The following DAB1 variants were observed in gnomAD, a reference collection of about 807,000 sequenced individuals.
The protein encoded by DAB1 is DAB adaptor protein 1.
DAB1 carries 15 observed loss-of-function variants against 64.6 expected under a neutral mutation model. The ratio of observed to expected loss-of-function variants is 0.23; its 90% CI spans 0.16 to 0.36. DAB1 has a LOEUF of 0.36. Among genes scored for constraint, DAB1 ranks in the 10% least tolerant of loss-of-function variants. DAB1 has a pLI of 1.00. For synonymous variants in DAB1, 235 were observed against 251.9 expected, an observed-to-expected ratio of 0.93 and a Z score of 0.64; for missense variants, 596 against 706.7, an observed-to-expected ratio of 0.84 and a Z score of 1.78.
chr1:57,204,081 G>T (rs1037675915), intron 2 of DAB1, among the ~76,000 whole-genome samples: 10 of 151,990 alleles, frequency 6.6e-5, no homozygotes, highest in Non-Finnish European at 1.5e-4. Context: ...GTAGAGATGA[G>T]GTTTCACCAT....
In DAB1 at chr1:57,924,536, T is replaced by G. The variant is rs183633746; in HGVS notation, n.388-40374A>C. 5.1e-3 allele frequency among the ~76,000 whole-genome samples: 776 copies of G among 152,072 alleles called. 10 individuals carry two copies. Among genetic ancestry groups the G allele is most frequent in the African/African-American group, 0.018 (750 of 41,468 alleles). On this transcript the variant is annotated intron_variant and non_coding_transcript_variant, in intron 5 of 20. Transcript: ENST00000485760. The stretch of plus-strand genomic sequence containing the variant: ...GTGCAGTGGCACAATCTCGGCTCAC[T>G]GCAACCTCTGCCTCCTGGATTCAAG...
intron 3 of DAB1, among the ~76,000 whole-genome samples, chr1:58,472,900 C>G (rs1044839386): frequency 6.6e-6 from 1 of 151,994 alleles, no homozygotes; most frequent in Non-Finnish European, 1.5e-5. Flanking sequence ...CACCACAAAG[C>G]GAGAGGGAAA....
chr1:58,199,458 C>A (rs1657880047), intron 4 of DAB1, among the ~76,000 whole-genome samples: 1 of 152,108 alleles, frequency 6.6e-6, no homozygotes, highest in South Asian at 2.1e-4. Context: ...TAACCATGGG[C>A]AAATTACTTA....
intron 3 of DAB1, chr1:58,468,988 C>G (rs1645326251): frequency 4.1e-6 from 1 of 244,160 alleles, no homozygotes; most frequent in Non-Finnish European, 6.6e-6. Flanking sequence ...GACCTTCTTT[C>G]ATTTATTCAT....
At chr1:57,513,855 C>A (rs980326910) in intron 7 of DAB1, among the ~76,000 whole-genome samples, 1 of 152,120 alleles carries the variant, frequency 6.6e-6, no homozygotes, top group Non-Finnish European at 1.5e-5. Flanking sequence ...CTTCCCAGCC[C>A]CTGTCCTGCA....
At chr1:57,652,497 C>T (rs1646268864) in intron 6 of DAB1, among the ~76,000 whole-genome samples, 1 of 152,142 alleles carries the variant, frequency 6.6e-6, no homozygotes, top group South Asian at 2.1e-4. Flanking sequence ...CTCTCTATTG[C>T]AATTCCCCTG....
chr1:57,783,300 G>A (rs1650196155), intron 6 of DAB1, among the ~76,000 whole-genome samples: 1 of 151,512 alleles, frequency 6.6e-6, no homozygotes, highest in African/African-American at 2.4e-5. Flanking sequence ...GTAGAGATGG[G>A]GTTTCACCAT....
chr1:57,219,331 T>C (rs1666683276), intron 2 of DAB1, among the ~76,000 whole-genome samples: 1 of 151,876 alleles, frequency 6.6e-6, no homozygotes, highest in Admixed American at 6.6e-5. Context: ...GAATAAAAGA[T>C]AGCCTTTCCA....
At chr1:57,473,072 C>T (rs903185804) in intron 7 of DAB1, among the ~76,000 whole-genome samples, 3 of 152,202 alleles carry the variant, frequency 2.0e-5, no homozygotes, top group African/African-American at 7.2e-5. Flanking sequence ...CTTCTGGACA[C>T]TGCACATGAC....
intron 1 of DAB1, among the ~76,000 whole-genome samples, chr1:58,545,185 T>TTACACCG (rs1423599927): frequency 2.0e-5 from 3 of 152,082 alleles, no homozygotes; most frequent in Non-Finnish European, 2.9e-5. Context: ...AAAAGAAAGC[T>TTACACCG]CTCATCTCTA....
intron 6 of DAB1, among the ~76,000 whole-genome samples, chr1:57,659,408 T>C (rs1646358276): frequency 6.6e-6 from 1 of 152,168 alleles, no homozygotes; most frequent in Non-Finnish European, 1.5e-5. Context: ...GCTAGAATAA[T>C]GTTAACGCAA....
chr1:58,302,060 T>C (rs1662183325), intron 4 of DAB1, among the ~76,000 whole-genome samples: 1 of 152,030 alleles, frequency 6.6e-6, no homozygotes, highest in Non-Finnish European at 1.5e-5. Context: ...GATAGAGAAA[T>C]TGTGGGGTGA....
At chr1:58,133,158 G>C (rs1028802368) in intron 5 of DAB1, among the ~76,000 whole-genome samples, 3 of 152,228 alleles carry the variant, frequency 2.0e-5, no homozygotes, top group African/African-American at 7.2e-5. Flanking sequence ...AGGGCTTTCT[G>C]TTCTGGTTGC....
intron 6 of DAB1, among the ~76,000 whole-genome samples, chr1:57,793,081 G>A (rs1650679158): frequency 6.6e-6 from 1 of 152,284 alleles, no homozygotes; most frequent in Admixed American, 6.5e-5. Context: ...TGAGCTTAGT[G>A]GTACTTAATA....
intron 4 of DAB1, among the ~76,000 whole-genome samples, chr1:58,161,002 T>C (rs1052565091): frequency 6.6e-6 from 1 of 152,132 alleles, no homozygotes; most frequent in African/African-American, 2.4e-5. Context: ...TGTATTACAG[T>C]TCTAAGCTGA....
At chr1:58,063,134 A>C (rs906741548) in intron 5 of DAB1, among the ~76,000 whole-genome samples, 2 of 152,166 alleles carry the variant, frequency 1.3e-5, no homozygotes, top group African/African-American at 4.8e-5. Context: ...GGCCCATTCC[A>C]TTGGCACCAA....
At chr1:58,209,622 T>C (rs1658452352) in intron 4 of DAB1, among the ~76,000 whole-genome samples, 1 of 152,112 alleles carries the variant, frequency 6.6e-6, no homozygotes, top group African/African-American at 2.4e-5. Flanking sequence ...AGGCTAAATA[T>C]GTTTGATTGA....
intron 2 of DAB1, among the ~76,000 whole-genome samples, chr1:57,268,012 T>C (rs1670718314): frequency 1.3e-5 from 2 of 152,244 alleles, no homozygotes; most frequent in South Asian, 4.1e-4. Context: ...AAATATTTAA[T>C]ATTTGATTCC....
intron 7 of DAB1, among the ~76,000 whole-genome samples, chr1:57,563,195 C>A (rs1209035826): frequency 6.6e-6 from 1 of 152,188 alleles, no homozygotes; most frequent in Admixed American, 6.5e-5. Context: ...ATACCAGGTA[C>A]AACCACATGA....
Sources: allele counts gnomAD v4.1 joint callset (sites outside exome capture counted in the v4.1 genomes callset), GRCh38; gene constraint gnomAD v4.1.1; transcripts MANE v1.5; gene names NCBI Gene and HGNC (gene_info 2026-07-23, HGNC 2026-07-21).